Variants in PCDHGA3 observed in about 807,000 individuals in gnomAD.
PCDHGA3 encodes protocadherin gamma-A3.
Under a neutral mutation model 58.5 loss-of-function variants are expected in PCDHGA3, and 40 were observed. The ratio of observed to expected loss-of-function variants is 0.68; its 90% CI spans 0.53 to 0.89. The LOEUF (loss-of-function observed/expected upper bound fraction) is 0.89. Among genes scored for constraint, PCDHGA3 ranks in the 40% least tolerant of loss-of-function variants. PCDHGA3 has a pLI of 0.00. For missense variants in PCDHGA3, 1,223 were observed against 1,195.9 expected (o/e 1.02, Z -0.33); for synonymous variants, 530 against 525.7 (o/e 1.01, Z -0.11).
chr5:141,495,892 TTGTCTC>T (rs1035324353), intron 2 of PCDHGA3, among the ~76,000 whole-genome samples: 1 of 152,198 alleles, frequency 6.6e-6, no homozygotes, highest in Admixed American at 6.5e-5. Flanking sequence ...TTGTCTCTCT[TTGTCTC>T]TGTCTCTGTA....
chr5:141,414,990 C>A (rs1442265707), intron 1 of PCDHGA3: 5 of 1,613,794 alleles, frequency 3.1e-6, no homozygotes, highest in Admixed American at 1.7e-5. Context: ...CCGGCCAGAA[C>A]GCCTGGCTGT....
intron 1 of PCDHGA3, among the ~76,000 whole-genome samples, chr5:141,443,594 T>C (rs1040469046): frequency 1.3e-5 from 2 of 152,234 alleles, no homozygotes; most frequent in Non-Finnish European, 2.9e-5. Flanking sequence ...CAGAATGTGG[T>C]ATATGAAATG....
Position 141,345,497 on chromosome 5 carries a change from T to C in PCDHGA3, c.1464T>C (p.Thr488=). 6.2e-7 allele frequency: 1 copy of C among 1,614,096 alleles called. No homozygotes were observed. Among genetic ancestry groups the C allele is most frequent in the African/African-American group, 1.3e-5 (1 of 75,030 alleles). Residue 488 remains threonine (T), a synonymous_variant, in exon 1 of 4, where the codon ACT becomes ACC. Coordinates refer to ENST00000253812, the MANE Select transcript of PCDHGA3 (RefSeq NM_018916.4). ...DPDSNNNARI[T]YALTEDTLQG... is the part of the protein sequence containing the mutation. ...ATAGCAACAACAACGCCCGCATCAC[T>C]TATGCATTGACCGAGGACACTCTCC...
At position 141,345,075 on chromosome 5, in the gene PCDHGA3, A is replaced by G. The variant is rs903525179; in HGVS notation, c.1042A>G (p.Thr348Ala). The G allele has an allele frequency of 6.2e-7, 1 of 1,614,028 alleles. No individual in the cohort carries two copies. Among genetic ancestry groups the G allele is most frequent in the Non-Finnish European group, 8.5e-7 (1 of 1,179,890 alleles). Residue 348 changes from threonine to alanine, a missense_variant, in exon 1 of 4, where the codon ACA (threonine) becomes GCA (alanine). By Grantham distance (58) the Thr-to-Ala change is moderately conservative. This residue lies in a region of PCDHGA3 where 791 missense variants were observed against 708.5 expected (regional missense o/e 1.12). Coordinates refer to ENST00000253812, the MANE Select transcript of PCDHGA3 (RefSeq NM_018916.4). ...TGTGAATGACAATGCTCCAGAAATT[A>G]CAATCACGTCTCTCACAAGCTCAGT... ...LDVNDNAPEI[T>A]ITSLTSSVPE...
intron 1 of PCDHGA3, chr5:141,410,203 C>T: frequency 1.9e-6 from 3 of 1,614,022 alleles, no homozygotes; most frequent in Non-Finnish European, 2.5e-6. Flanking sequence ...TCGCAGACAA[C>T]TTGCAAGAGA....
chr5:141,356,912 G>C (rs376285031), intron 1 of PCDHGA3: 48 of 1,614,012 alleles, frequency 3.0e-5, no homozygotes, highest in Non-Finnish European at 3.5e-5. Context: ...CCTACTGATG[G>C]CTCCACTGGT....
rs761189685 is a variant in PCDHGA3 at position 141,404,203 on chromosome 5, A to G, written c.2424+57746A>G. On this transcript the variant is annotated intron_variant, in intron 1 of 3. Coordinates refer to ENST00000253812, the MANE Select transcript of PCDHGA3 (RefSeq NM_018916.4). Reference sequence around the variant, plus strand: ...TTCTTGACCGAGAAAAAGCCTCAGAATATAATATCACGGTGACTGCAACAG... The same window carrying G: ...TTCTTGACCGAGAAAAAGCCTCAGAGTATAATATCACGGTGACTGCAACAG... 11 of 1,613,806 alleles carry G rather than the reference A, an allele frequency of 6.8e-6. No individual in the cohort carries two copies. In the South Asian group the frequency reaches 1.2e-4, roughly 18 times the overall value.
At chr5:141,414,048 G>A in intron 1 of PCDHGA3, 1 of 1,610,508 alleles carries the variant, frequency 6.2e-7, no homozygotes, top group Non-Finnish European at 8.5e-7. Flanking sequence ...TACCTGACAC[G>A]CAATTGTTGA....
chr5:141,476,897 A>G lies in PCDHGA3; in HGVS notation c.2425-17910A>G. ...CGTCCTGGAGGATGCACCCTCCGGC[A>G]CGCGCGTGGTACAAGTCCTTGCAAC... On this transcript the variant is annotated intron_variant, in intron 1 of 3. Coordinates refer to ENST00000253812, the MANE Select transcript of PCDHGA3 (RefSeq NM_018916.4). The surrounding 1 kb of genome is among the most constrained non-coding windows in gnomAD (Gnocchi z 7.6). 1 of 1,613,938 alleles carries G rather than the reference A, an allele frequency of 6.2e-7. No individual in the cohort carries two copies. Among genetic ancestry groups the G allele is most frequent in the Non-Finnish European group, 8.5e-7 (1 of 1,180,012 alleles).
chr5:141,491,227 C>T lies in PCDHGA3; in HGVS notation c.2425-3580C>T. 6.2e-7 allele frequency: 1 copy of T among 1,614,216 alleles called. No homozygotes were observed. The highest frequency in any genetic ancestry group is 8.5e-7 in the Non-Finnish European group (1 of 1,180,018). On this transcript the variant is annotated intron_variant, in intron 1 of 3. Coordinates refer to ENST00000253812, the MANE Select transcript of PCDHGA3 (RefSeq NM_018916.4). The surrounding 1 kb of genome is among the most constrained non-coding windows in gnomAD (Gnocchi z 6.9). Reference sequence around the variant, plus strand: ...TTCACTCTCCTCCACAGCCACAGTGCTGCTGGTTCTGGAGGATGAGGACCC... The same window carrying T: ...TTCACTCTCCTCCACAGCCACAGTGTTGCTGGTTCTGGAGGATGAGGACCC...
intron 1 of PCDHGA3, among the ~76,000 whole-genome samples, chr5:141,382,474 A>G (rs1436988724): frequency 6.6e-6 from 1 of 152,244 alleles, no homozygotes; most frequent in East Asian, 1.9e-4. Context: ...AAAATTATCT[A>G]AGATTATCAA....
chr5:141,401,672 T>A (rs1468956975), intron 1 of PCDHGA3, among the ~76,000 whole-genome samples: 1 of 152,222 alleles, frequency 6.6e-6, no homozygotes, highest in African/African-American at 2.4e-5. Context: ...CTCAACATCC[T>A]TGTAGGATGG....
At chr5:141,398,521 A>C in intron 1 of PCDHGA3, 1 of 1,613,690 alleles carries the variant, frequency 6.2e-7, no homozygotes, top group Non-Finnish European at 8.5e-7. Context: ...CCACACGCCA[A>C]AATTCACGCA....
At chr5:141,505,583 T>C (rs2099846941) in intron 3 of PCDHGA3, 102 bp downstream of exon 3, 3 of 1,583,532 alleles carry the variant, frequency 1.9e-6, no homozygotes, top group Non-Finnish European at 2.6e-6. Flanking sequence ...ACCTGTGTAG[T>C]TTCTCCAGAT....
intron 1 of PCDHGA3, chr5:141,375,921 A>G: frequency 6.2e-7 from 1 of 1,613,712 alleles, no homozygotes; most frequent in Admixed American, 1.7e-5. Context: ...AAGGCCAGCG[A>G]GCCAGGACTT....
At position 141,511,411 on chromosome 5, in the gene PCDHGA3, A is replaced by G; in HGVS notation, c.*238A>G. On this transcript the variant is annotated 3_prime_UTR_variant, in exon 4 of 4. Coordinates refer to ENST00000253812, the MANE Select transcript of PCDHGA3 (RefSeq NM_018916.4). ...GAACCCCCATCCAATCAACTGCTGT[A>G]CCCATGGGGGTAGTGGGGTTACTGT... The G allele has an allele frequency of 1.1e-6, 1 of 901,334 alleles. No homozygotes were observed. Among genetic ancestry groups the G allele is most frequent in the Non-Finnish European group, 1.6e-6 (1 of 617,750 alleles). The allele number at this position is 901,334 out of a possible 1,614,324, so 55.8% of individuals were successfully genotyped here. A position where few individuals can be genotyped will look rare whatever the true frequency, so the allele number is the denominator to read the frequency against.
chr5:141,474,500 C>G (rs183956979), intron 1 of PCDHGA3, among the ~76,000 whole-genome samples: 31 of 152,324 alleles, frequency 2.0e-4, no homozygotes, highest in African/African-American at 6.3e-4. Context: ...CTTCTAATGC[C>G]TATCAGCCCT....
chr5:141,474,551 C>G (rs1032524620), intron 1 of PCDHGA3, among the ~76,000 whole-genome samples: 35 of 152,312 alleles, frequency 2.3e-4, no homozygotes, highest in Non-Finnish European at 3.5e-4. Flanking sequence ...GCATTTAAAA[C>G]TGGGGGTTTT....
intron 1 of PCDHGA3, among the ~76,000 whole-genome samples, chr5:141,482,940 G>T (rs1245833250): frequency 6.6e-6 from 1 of 152,026 alleles, no homozygotes; most frequent in East Asian, 1.9e-4. Context: ...AGGTGTGGTT[G>T]TGGGTGCCTG....
Sources: allele counts gnomAD v4.1 joint callset (sites outside exome capture counted in the v4.1 genomes callset), GRCh38; gene constraint gnomAD v4.1.1; regional missense constraint gnomAD v4.1.1; non-coding constraint Gnocchi (gnomAD v3.1); transcripts MANE v1.5; gene names NCBI Gene and HGNC (gene_info 2026-07-23, HGNC 2026-07-21).